Variants in GPR84 observed in about 807,000 individuals in gnomAD.
The protein encoded by GPR84 is G-protein coupled receptor 84.
GPR84 carries 8 observed loss-of-function variants against 14.9 expected under a neutral mutation model. That is an observed-to-expected ratio of 0.54 (90% CI 0.31 to 0.97). GPR84 has a LOEUF of 0.97. GPR84 is among the 50% of genes least tolerant of loss of function. GPR84 has a pLI of 0.04. For synonymous variants in GPR84, 164 were observed against 198.1 expected, an observed-to-expected ratio of 0.83 and a Z score of 1.45; for missense variants, 424 against 498.7, an observed-to-expected ratio of 0.85 and a Z score of 1.43.
the GPR84 span, chr12:54,350,806 C>A: frequency 2.1e-6 from 1 of 480,482 alleles, no homozygotes; most frequent in Non-Finnish European, 3.8e-6. Context: ...CACATGCTCC[C>A]TTGCCCTGAC....
Position 54,363,018 on chromosome 12 carries a change from G to A in GPR84, c.834C>T (p.Ile278=), listed in dbSNP as rs112159330. 8.4e-5 allele frequency: 136 copies of A among 1,614,160 alleles called. 1 individual carries two copies. The African/African-American group carries it at 1.4e-3, about 17-fold the overall frequency. ...EGDSSEVGDQ[I]NSKRAKQMAE... Reference sequence around the variant, plus strand: ...CCATCTGCTTAGCTCTCTTGCTGTTGATCTGGTCTCCCACTTCTGATGAGT... The same window carrying A: ...CCATCTGCTTAGCTCTCTTGCTGTTAATCTGGTCTCCCACTTCTGATGAGT... Residue 278 remains isoleucine, a synonymous_variant, in exon 2 of 2, where the codon ATC becomes ATT. Coordinates refer to ENST00000267015, the MANE Select transcript of GPR84 (RefSeq NM_020370.3).
chr12:54,352,388 G>A, the GPR84 span, among the ~76,000 whole-genome samples: 4 of 152,054 alleles, frequency 2.6e-5, no homozygotes, highest in African/African-American at 9.7e-5. Flanking sequence ...CTGGGCTGGC[G>A]CAGCGCCTGG....
intron 1 of GPR84, 94 bp from the exon 2 acceptor site, chr12:54,363,953 CTG>C (rs1292069981): frequency 2.5e-6 from 2 of 790,842 alleles, no homozygotes; most frequent in Non-Finnish European, 3.9e-6. Flanking sequence ...GACATCTAAA[CTG>C]TTCCTGGACC....
downstream of GPR84, among the ~76,000 whole-genome samples, chr12:54,362,013 A>G (rs147423504): frequency 4.2e-3 from 643 of 152,242 alleles, 5 homozygotes; most frequent in African/African-American, 0.014. This position sits in a 1 kb window ranked among gnomAD's most constrained non-coding sequence, Gnocchi z 4.0. Flanking sequence ...GGGCTGGGGG[A>G]CTGGTCCCAC....
rs191780269 is a variant in GPR84, at chr12:54,363,843, G to A, written c.9C>T (p.Asn3=). The A allele has an allele frequency of 1.3e-6, 2 of 1,588,924 alleles. No individual in the cohort carries two copies. Among genetic ancestry groups the A allele is most frequent in the East Asian group, 2.2e-5 (1 of 44,644 alleles). The change falls in exon 2 of 2, where the codon AAC becomes AAT. Residue 3 remains asparagine, a synonymous_variant. Coordinates refer to ENST00000267015, the MANE Select transcript of GPR84 (RefSeq NM_020370.3). Reference sequence around the variant, plus strand: ...AGCAGGAGAAGTTGGCGTCAGAGCTGTTCCACATGATAGAGGCTAAAGAGG... The same window carrying A: ...AGCAGGAGAAGTTGGCGTCAGAGCTATTCCACATGATAGAGGCTAAAGAGG... The part of the protein sequence containing the change: MW[N]SSDANFSCYH...
chr12:54,363,911 A>C, intron 1 of GPR84, 52 bp from the exon 2 acceptor site: 1 of 1,237,782 alleles, frequency 8.1e-7, no homozygotes, highest in Non-Finnish European at 1.1e-6. Context: ...CTAGCATTCA[A>C]CTTAGATCTC....
chr12:54,354,412 C>T, the GPR84 span, among the ~76,000 whole-genome samples: 3 of 151,780 alleles, frequency 2.0e-5, no homozygotes, highest in Admixed American at 6.6e-5. Flanking sequence ...CCACTGCACC[C>T]GGCCTGGTGT....
At chr12:54,358,860 C>T (rs777807840), downstream of GPR84, among the ~76,000 whole-genome samples, 10 of 152,092 alleles carry the variant, frequency 6.6e-5, no homozygotes, top group South Asian at 2.1e-4. Flanking sequence ...CTCAGTTTCC[C>T]CTTCGTTCCT....
Position 54,362,767 on chromosome 12 carries a change from T to C in GPR84, c.1085A>G (p.Asn362Ser), listed in dbSNP as rs1181387924. 4 of 1,614,152 alleles carry C rather than the reference T, an allele frequency of 2.5e-6. No homozygotes were observed. Among genetic ancestry groups the C allele is most frequent in the African/African-American group, 1.3e-5 (1 of 75,040 alleles). ...ATAGAGCACAGGGTTGATGCAACCA[T>C]TGAGCCAGGTGAGGTTGGCAGCAAG... is the stretch of plus-strand genomic sequence containing the variant. ...HMLAANLTWL[N>S]GCINPVLYAA... The change falls in exon 2 of 2, where the codon AAT becomes AGT. Residue 362 changes from asparagine (N) to serine (S), a missense_variant. Coordinates refer to ENST00000267015, the MANE Select transcript of GPR84 (RefSeq NM_020370.3). This position sits in a 1 kb window ranked among gnomAD's most constrained non-coding sequence, Gnocchi z 4.0.
chr12:54,352,976 G>GACCT, the GPR84 span, among the ~76,000 whole-genome samples: 7 of 152,182 alleles, frequency 4.6e-5, no homozygotes, highest in Non-Finnish European at 8.8e-5. Context: ...ACACAGCATT[G>GACCT]ACCTGGGGGA....
downstream of GPR84, among the ~76,000 whole-genome samples, chr12:54,359,151 G>A (rs1954241261): frequency 1.3e-5 from 2 of 152,070 alleles, no homozygotes; most frequent in Admixed American, 1.3e-4. Context: ...GGGGAGGGGA[G>A]GGGCATCCTC....
At chr12:54,359,954 CTGA>C (rs772269586), downstream of GPR84, among the ~76,000 whole-genome samples, 1 of 151,574 alleles carries the variant, frequency 6.6e-6, no homozygotes, top group Non-Finnish European at 1.5e-5. Flanking sequence ...CCCCCAGCGA[CTGA>C]TAATTGGGAA....
chr12:54,353,667 A>G, the GPR84 span: 2 of 151,946 alleles, frequency 1.3e-5, no homozygotes, highest in Non-Finnish European at 2.9e-5. Context: ...GGCTATGTAA[A>G]CTCCAGCTCC....
In GPR84 at chr12:54,363,685, T is replaced by C. The variant is rs1451212407; in HGVS notation, c.167A>G (p.Asn56Ser). The C allele has an allele frequency of 1.9e-6, 3 of 1,613,858 alleles. No homozygotes were observed. Among genetic ancestry groups the C allele is most frequent in the African/African-American group, 2.7e-5 (2 of 74,850 alleles). Residue 56 changes from asparagine to serine, a missense_variant, in exon 2 of 2, where the codon AAC becomes AGC. Asn to Ser is a conservative substitution (Grantham distance 46). Transcript: ENST00000267015. ...CAGTGTGAGGTTGGCTATGAGCAGG[T>C]TGAATCGGGTACGGAGCTTGGGCTG... ...AIQPKLRTRF[N>S]LLIANLTLAD...
chr12:54,351,565 G>A, the GPR84 span: 3 of 152,130 alleles, frequency 2.0e-5, no homozygotes, highest in African/African-American at 7.2e-5. Context: ...AAAACCTTTG[G>A]GGTTTGGATT....
the GPR84 span, among the ~76,000 whole-genome samples, chr12:54,352,428 C>T: frequency 2.0e-5 from 3 of 152,108 alleles, no homozygotes; most frequent in Non-Finnish European, 2.9e-5. Flanking sequence ...GGTGAGCTCA[C>T]AAGATGGATT....
the GPR84 span, among the ~76,000 whole-genome samples, chr12:54,355,341 T>TA: frequency 1.2e-4 from 18 of 151,400 alleles, no homozygotes; most frequent in Non-Finnish European, 5.9e-5. Flanking sequence ...TGTGTGTGTG[T>TA]GTGTGTGTGT....
the GPR84 span, among the ~76,000 whole-genome samples, chr12:54,353,038 GT>G: frequency 6.6e-6 from 1 of 152,188 alleles, no homozygotes; most frequent in Non-Finnish European, 1.5e-5. Context: ...ATGGTGTGGA[GT>G]TCTATCCAGT....
chr12:54,358,673 T>C (rs1353692371), downstream of GPR84, among the ~76,000 whole-genome samples: 4 of 152,144 alleles, frequency 2.6e-5, no homozygotes, highest in African/African-American at 9.7e-5. Context: ...GATGCCCGAT[T>C]TCCCTGCTTC....
Sources: gnomAD v4.1 joint callset for allele counts (sites outside exome capture counted in the v4.1 genomes callset) on GRCh38, gnomAD v4.1.1 for gene constraint, Gnocchi (gnomAD v3.1) non-coding constraint, MANE v1.5 for transcripts, NCBI Gene and HGNC (gene_info 2026-07-23, HGNC 2026-07-21) for gene names.